Variants in OSMR observed in about 807,000 individuals in gnomAD.
The protein encoded by OSMR is oncostatin-M-specific receptor subunit beta.
OSMR carries 81 observed loss-of-function variants against 99.9 expected under a neutral mutation model. The ratio of observed to expected loss-of-function variants is 0.81; its 90% CI spans 0.68 to 0.97. The LOEUF is 0.97. OSMR is among the 50% of genes least tolerant of loss of function. The pLI is 0.00. For synonymous variants in OSMR, 406 were observed against 410.4 expected, an observed-to-expected ratio of 0.99 and a Z score of 0.13; for missense variants, 1,099 against 1,153.4, an observed-to-expected ratio of 0.95 and a Z score of 0.68.
intron 7 of OSMR, among the ~76,000 whole-genome samples, chr5:38,901,981 G>T (rs1446378905): frequency 2.0e-5 from 3 of 152,152 alleles, no homozygotes; most frequent in African/African-American, 4.8e-5. Context: ...CTGTATCGGG[G>T]ATACTTCTTT....
Position 38,919,217 on chromosome 5 carries a change from G to T in OSMR, c.1585+155G>T, listed in dbSNP as rs142334998. On this transcript the variant is annotated intron_variant, in intron 11 of 17. Coordinates refer to ENST00000274276, the MANE Select transcript of OSMR (RefSeq NM_003999.3). ...TTTCTTTTGGGCCAGGTGTGTCAAC[G>T]TGTTTCAGTGGGACAGTCCCCTCAG... 428 of 1,532,454 alleles carry T rather than the reference G, an allele frequency of 2.8e-4. 2 individuals are homozygous for T. The African/African-American group carries it at 4.5e-3, about 16-fold the overall frequency. 94.9% of individuals were successfully genotyped at this position (1,532,454 alleles called of 1,614,324 possible). A position where few individuals can be genotyped will look rare whatever the true frequency, so the allele number is the denominator to read the frequency against.
intron 11 of OSMR, among the ~76,000 whole-genome samples, chr5:38,921,125 C>A (rs1224525589): frequency 6.6e-6 from 1 of 152,188 alleles, no homozygotes; most frequent in East Asian, 1.9e-4. Context: ...GTACCCAATA[C>A]CAGATTCTAG....
intron 9 of OSMR, among the ~76,000 whole-genome samples, chr5:38,910,222 A>G (rs1370038237): frequency 6.6e-6 from 1 of 152,236 alleles, no homozygotes; most frequent in African/African-American, 2.4e-5. Flanking sequence ...ACAGATTCAT[A>G]AAGTAAGTTC....
chr5:38,920,594 C>T (rs565028808), intron 11 of OSMR, among the ~76,000 whole-genome samples: 1 of 152,302 alleles, frequency 6.6e-6, no homozygotes, highest in South Asian at 2.1e-4. Flanking sequence ...GCTACACATT[C>T]CTTTGGGTGC....
At chr5:38,861,892 T>A (rs866873815) in intron 1 of OSMR, among the ~76,000 whole-genome samples, 10 of 119,864 alleles carry the variant, frequency 8.3e-5, no homozygotes, top group Non-Finnish European at 1.1e-4. Context: ...CCCACCTCCC[T>A]CCCGGACGGG....
chr5:38,860,492 G>T (rs1318499020), intron 1 of OSMR, among the ~76,000 whole-genome samples: 3 of 152,046 alleles, frequency 2.0e-5, no homozygotes, highest in Non-Finnish European at 4.4e-5. Flanking sequence ...GAGGATTTTT[G>T]ATTCCATGTT....
downstream of OSMR, chr5:38,945,339 C>T: frequency 1.6e-6 from 1 of 626,956 alleles, no homozygotes; most frequent in Non-Finnish European, 2.8e-6. Context: ...AGAGGATCAG[C>T]ATCTCAGCAT....
intron 9 of OSMR, among the ~76,000 whole-genome samples, chr5:38,906,281 C>A (rs554659775): frequency 1.3e-5 from 2 of 151,024 alleles, no homozygotes; most frequent in Admixed American, 1.3e-4. Context: ...ATCTTGAAAA[C>A]GCTTAACTTT....
At chr5:38,945,457 T>C (rs1748084346), downstream of OSMR, 2 of 1,403,230 alleles carry the variant, frequency 1.4e-6, no homozygotes, top group Non-Finnish European at 2.0e-6. Context: ...TAGTCATCAC[T>C]AGGTTTTTCT....
chr5:38,886,458 T>C, intron 7 of OSMR: 1 of 763,208 alleles, frequency 1.3e-6, no homozygotes, highest in Non-Finnish European at 1.8e-6. Flanking sequence ...TCATATCTCA[T>C]CCTGTAACGC....
intron 9 of OSMR, among the ~76,000 whole-genome samples, chr5:38,907,671 G>A (rs1382100661): frequency 6.6e-6 from 1 of 152,164 alleles, no homozygotes; most frequent in Non-Finnish European, 1.5e-5. Context: ...CCATATCATA[G>A]CTGCTTTGCT....
chr5:38,903,542 T>C (rs1035469701), intron 7 of OSMR, among the ~76,000 whole-genome samples: 43 of 152,334 alleles, frequency 2.8e-4, no homozygotes, highest in East Asian at 9.7e-4. Flanking sequence ...ACATTGTTAA[T>C]GTTATTTTGG....
rs1363929355 is a variant in OSMR at position 38,886,232 on chromosome 5, G to A, written c.991+42G>A. The stretch of plus-strand genomic sequence containing the variant: ...CACAGCCCACCGTGGCCACTAACGT[G>A]TCTTTGTTTCACAGACTGTGTGATC... On this transcript the variant is annotated intron_variant, in intron 7 of 17. Transcript: ENST00000274276. The A allele has an allele frequency of 2.5e-6, 4 of 1,613,726 alleles. No homozygotes were observed. The Admixed American group carries it at 6.7e-5, about 27-fold the overall frequency.
At position 38,904,390 on chromosome 5, in the gene OSMR, T is replaced by A; in HGVS notation, c.1172T>A (p.Leu391Ter). 6.2e-7 allele frequency: 1 copy of A among 1,614,148 alleles called. No individual in the cohort carries two copies. The highest frequency in any genetic ancestry group is 8.5e-7 in the Non-Finnish European group (1 of 1,179,986). Residue 391 changes from leucine to a stop codon, truncating the protein, a stop_gained, in exon 9 of 18, where the codon TTA becomes TAA. Transcript: ENST00000274276. LOFTEE classifies it high-confidence loss of function. ...ATCAAGGTGAACGGTGAGTACTTCT[T>A]AAGTGAACTGGAACCTGCCACAGAG... ...VSIKVNGEYF[L>*]SELEPATEYM... is the part of the protein sequence containing the mutation.
intron 1 of OSMR, among the ~76,000 whole-genome samples, 179 bp downstream of exon 1, chr5:38,846,566 G>C (rs1739836037): frequency 6.6e-6 from 1 of 152,182 alleles, no homozygotes; most frequent in Non-Finnish European, 1.5e-5. Flanking sequence ...ATCGTGTGGA[G>C]GAGTTCATTG....
chr5:38,889,332 C>T (rs1176292560), intron 7 of OSMR, among the ~76,000 whole-genome samples: 2 of 151,880 alleles, frequency 1.3e-5, no homozygotes, highest in Non-Finnish European at 2.9e-5. Context: ...TAATATTTGT[C>T]GCTTTCTCTT....
chr5:38,899,423 CT>C (rs1579739166), intron 7 of OSMR, among the ~76,000 whole-genome samples: 1 of 152,146 alleles, frequency 6.6e-6, no homozygotes, highest in Non-Finnish European at 1.5e-5. Context: ...TGCTCTACCC[CT>C]GTCTCCAAGT....
intron 9 of OSMR, among the ~76,000 whole-genome samples, chr5:38,915,507 C>T (rs113364076): frequency 2.6e-5 from 4 of 152,256 alleles, no homozygotes; most frequent in African/African-American, 7.2e-5. Context: ...TATCATTACT[C>T]TAAAATGGAA....
intron 1 of OSMR, among the ~76,000 whole-genome samples, chr5:38,846,938 C>T (rs1739886962): frequency 6.6e-6 from 1 of 152,220 alleles, no homozygotes; most frequent in Admixed American, 6.5e-5. Context: ...TTCATCTGCC[C>T]TTCATCCACC....
Sources: allele counts gnomAD v4.1 joint callset (sites outside exome capture counted in the v4.1 genomes callset), GRCh38; gene constraint gnomAD v4.1.1; transcripts MANE v1.5; gene names NCBI Gene and HGNC (gene_info 2026-07-23, HGNC 2026-07-21).